GAREM2: variants seen among roughly 807,000 people sequenced by gnomAD.
The protein encoded by GAREM2 is GRB2-associated and regulator of MAPK protein 2.
GAREM2 carries 30 observed loss-of-function variants against 55.6 expected under a neutral mutation model. The ratio of observed to expected loss-of-function variants is 0.54; its 90% CI spans 0.40 to 0.73. The LOEUF is 0.73. Ranked by LOEUF, GAREM2 falls within the 30% of genes least tolerant of loss-of-function variation. GAREM2 has a pLI of 0.00. For missense variants in GAREM2, 1,075 were observed against 1,257.7 expected, an observed-to-expected ratio of 0.85 and a Z score of 2.20; for synonymous variants, 550 against 569.1, an observed-to-expected ratio of 0.97 and a Z score of 0.48.
chr2:26,185,323 A>G lies in GAREM2; in HGVS notation c.1428+47A>G, dbSNP rs1172982191. 6.9e-6 allele frequency: 10 copies of G among 1,458,422 alleles called. No individual in the cohort carries two copies. In the South Asian group the frequency reaches 1.2e-4, roughly 18 times the overall value. 90.3% of individuals were successfully genotyped at this position (1,458,422 alleles called of 1,614,324 possible). A position where few individuals can be genotyped will look rare whatever the true frequency, so the allele number is the denominator to read the frequency against. ...CGAGTCCCGGGTCCAGCCAGGGCCC[A>G]AAGCCCGTTCTCCTGGGCCCCGGCC... is the stretch of plus-strand genomic sequence containing the variant. On this transcript the variant is annotated intron_variant, in intron 4 of 5. Transcript: ENST00000401533.
chr2:26,195,221 C>T, the GAREM2 span: 8 of 1,613,114 alleles, frequency 5.0e-6, no homozygotes, highest in South Asian at 6.6e-5. Context: ...AGAAGTAGTG[C>T]ATGCCAATCA....
At chr2:26,204,192 G>A in the GAREM2 span, 1 of 1,614,014 alleles carries the variant, frequency 6.2e-7, no homozygotes, top group Non-Finnish European at 8.5e-7. Flanking sequence ...AGAATAGCCA[G>A]ATGCCTGCAA....
At chr2:26,192,323 G>T (rs777441854), downstream of GAREM2, 11 of 1,573,558 alleles carry the variant, frequency 7.0e-6, no homozygotes, top group Non-Finnish European at 9.6e-6. Context: ...TCAGACTTAG[G>T]AGGCAGCTTC....
rs1291459324 is a variant in GAREM2 at position 26,184,663 on chromosome 2, G to A, written c.815G>A (p.Arg272Gln). Residue 272 changes from arginine to glutamine, a missense_variant, in exon 4 of 6, where the codon CGG becomes CAG. Physicochemically the swap from Arg to Gln is conservative, Grantham distance 43. This residue lies in a region of GAREM2 where 170 missense variants were observed against 220.7 expected (regional missense o/e 0.77). Transcript: ENST00000401533. ...RLPVNVLVPS[R>Q]PPRNPYDLHP... The stretch of plus-strand genomic sequence containing the variant: ...CCGGTGAACGTGCTGGTGCCCAGCC[G>A]GCCGCCGCGCAACCCCTACGACCTG... 1 of 1,544,238 alleles carries A rather than the reference G, an allele frequency of 6.5e-7. No individual in the cohort carries two copies. Among genetic ancestry groups the A allele is most frequent in the Non-Finnish European group, 8.7e-7 (1 of 1,144,488 alleles).
At chr2:26,203,536 T>G in the GAREM2 span, among the ~76,000 whole-genome samples, 1 of 152,174 alleles carries the variant, frequency 6.6e-6, no homozygotes, top group African/African-American at 2.4e-5. Context: ...TGTGGAGGGA[T>G]CAGTTCATGG....
the GAREM2 span, among the ~76,000 whole-genome samples, chr2:26,202,019 T>C: frequency 6.6e-6 from 1 of 151,868 alleles, no homozygotes; most frequent in Admixed American, 6.6e-5. Flanking sequence ...CAGGCTGGTC[T>C]TGAACTCCTG....
intron 2 of GAREM2, chr2:26,182,643 C>A (rs1669089457): frequency 2.4e-6 from 2 of 827,632 alleles, no homozygotes; most frequent in Non-Finnish European, 3.9e-6. Context: ...TGATCAGAGG[C>A]CAGCTGTGTC....
downstream of GAREM2, among the ~76,000 whole-genome samples, chr2:26,190,029 C>T (rs1424211912): frequency 1.3e-5 from 2 of 152,244 alleles, no homozygotes; most frequent in Admixed American, 6.5e-5. Context: ...ATTTGGAAAC[C>T]GGTTAATGGC....
chr2:26,198,450 G>A, the GAREM2 span, among the ~76,000 whole-genome samples: 49 of 149,280 alleles, frequency 3.3e-4, no homozygotes, highest in African/African-American at 9.4e-4. Context: ...ATCTAGGCTC[G>A]CTGCAACCTC....
rs564228432 is a variant in GAREM2 at position 26,185,099 on chromosome 2, G to A, written c.1251G>A (p.Ala417=). 3.7e-4 allele frequency: 526 copies of A among 1,432,734 alleles called. 5 individuals carry two copies. The South Asian group carries it at 6.8e-3, about 18-fold the overall frequency. 88.8% of individuals were successfully genotyped at this position (1,432,734 alleles called of 1,614,324 possible). Reference sequence around the variant, plus strand: ...ACGTGAGCCCCGACTGGGCAGCCGCGCCCGAGCCCGCCGCGCCGCCCGCCG... The same window carrying A: ...ACGTGAGCCCCGACTGGGCAGCCGCACCCGAGCCCGCCGCGCCGCCCGCCG... ...QEYVSPDWAA[A]PEPAAPPAEI... is the part of the protein sequence containing the mutation. Residue 417 remains alanine, a synonymous_variant, in exon 4 of 6, where the codon GCG becomes GCA. Coordinates refer to ENST00000401533, the MANE Select transcript of GAREM2 (RefSeq NM_001168241.2).
Position 26,184,554 on chromosome 2 carries a change from C to G in GAREM2, c.706C>G (p.Arg236Gly). 1 of 1,548,062 alleles carries G rather than the reference C, an allele frequency of 6.5e-7. No homozygotes were observed. The highest frequency in any genetic ancestry group is 1.2e-5 in the South Asian group (1 of 83,878). Residue 236 changes from arginine (R) to glycine (G), a missense_variant, in exon 4 of 6, where the codon CGC becomes GGC. Physicochemically the swap from Arg to Gly is moderately radical, Grantham distance 125. Around this residue, in one of 6 missense-constraint regions of GAREM2, gnomAD observed 170 missense variants for 220.7 expected, o/e 0.77. Coordinates refer to ENST00000401533, the MANE Select transcript of GAREM2 (RefSeq NM_001168241.2). ...GAGCCTGCCCTTTCAGTGCCAGGGC[C>G]GCTTCAGCACTCGCAGCCCGCTGGA... ...SLSLPFQCQG[R>G]FSTRSPLELQ...
chr2:26,195,738 C>T, the GAREM2 span, among the ~76,000 whole-genome samples: 1 of 152,220 alleles, frequency 6.6e-6, no homozygotes, highest in Non-Finnish European at 1.5e-5. Flanking sequence ...ACTCATTAAA[C>T]CAGCAGTTCT....
At chr2:26,192,399 G>A (rs1386094528), downstream of GAREM2, 9 of 1,600,166 alleles carry the variant, frequency 5.6e-6, no homozygotes, top group Non-Finnish European at 7.7e-6. Flanking sequence ...CCTGATAGAT[G>A]TAAAAGCCCT....
the GAREM2 span, chr2:26,204,129 G>A: frequency 7.9e-5 from 128 of 1,613,594 alleles, no homozygotes; most frequent in African/African-American, 1.5e-3. Flanking sequence ...ATAGTCTTTA[G>A]CCCCTTATCC....
At chr2:26,180,228 T>C (rs1296087836) in intron 2 of GAREM2, among the ~76,000 whole-genome samples, 2 of 152,128 alleles carry the variant, frequency 1.3e-5, no homozygotes, top group Non-Finnish European at 2.9e-5. Context: ...TGACCTCTGC[T>C]CCTCTAACCC....
chr2:26,183,396 G>A (rs1431575964), intron 3 of GAREM2, among the ~76,000 whole-genome samples: 1 of 152,154 alleles, frequency 6.6e-6, no homozygotes, highest in Admixed American at 6.5e-5. Flanking sequence ...CACTTGTAGA[G>A]GCGGTGGTTG....
At chr2:26,198,369 G>GTTT in the GAREM2 span, among the ~76,000 whole-genome samples, 6 of 147,000 alleles carry the variant, frequency 4.1e-5, no homozygotes, top group African/African-American at 1.3e-4. Context: ...ACTTATTCAT[G>GTTT]TTTTTTTTTT....
the GAREM2 span, among the ~76,000 whole-genome samples, chr2:26,198,429 G>C: frequency 1.3e-5 from 2 of 150,060 alleles, no homozygotes; most frequent in African/African-American, 4.9e-5. Context: ...AGGCTGGAGT[G>C]TAGTGGTGCA....
At chr2:26,173,393 AG>A in intron 1 of GAREM2, 61 bp downstream of exon 1, 1 of 903,232 alleles carries the variant, frequency 1.1e-6, no homozygotes, top group Non-Finnish European at 1.5e-6. Context: ...CTCTCCAGCC[AG>A]GGGCCAGAGG....
Sources: allele counts gnomAD v4.1 joint callset (sites outside exome capture counted in the v4.1 genomes callset), GRCh38; gene constraint gnomAD v4.1.1; regional missense constraint gnomAD v4.1.1; transcripts MANE v1.5; gene names NCBI Gene and HGNC (gene_info 2026-07-23, HGNC 2026-07-21).